Variants in RGS20 observed in about 807,000 individuals in gnomAD.
The protein encoded by RGS20 is regulator of G protein signaling 20.
In RGS20, 30 loss-of-function variants were observed where a neutral mutation model predicts 33.6. The ratio of observed to expected loss-of-function variants is 0.89; its 90% CI spans 0.67 to 1.21. The LOEUF is 1.21. Among genes scored for constraint, RGS20 ranks in the 50% most tolerant of loss-of-function variants. RGS20 has a pLI of 0.00. For missense variants in RGS20, 472 were observed against 502.4 expected, an observed-to-expected ratio of 0.94 and a Z score of 0.58; for synonymous variants, 208 against 197.9, an observed-to-expected ratio of 1.05 and a Z score of -0.43.
At position 53,924,642 on chromosome 8, in the gene RGS20, A is replaced by G. The variant is rs73589250; in HGVS notation, c.511-14934A>G. Among the ~76,000 whole-genome samples the G allele has an allele frequency of 7.9e-3, 1,201 of 152,232 alleles. 19 individuals are homozygous for G. Among genetic ancestry groups the G allele is most frequent in the African/African-American group, 0.027 (1,140 of 41,556 alleles). On this transcript the variant is annotated intron_variant, in intron 2 of 5. Transcript: ENST00000297313. ...CCCAGCTGCAAGTTCATTTTAAAGCAATTGTTTCATTCTTTTTTGTTGTTG... is the reference window on the plus strand; with the variant it reads ...CCCAGCTGCAAGTTCATTTTAAAGCGATTGTTTCATTCTTTTTTGTTGTTG...
At chr8:53,889,408 CTCTCTTTTTT>C (rs1812639821) in intron 2 of RGS20, among the ~76,000 whole-genome samples, 1 of 88,200 alleles carries the variant, frequency 1.1e-5, no homozygotes, top group African/African-American at 5.1e-5. Context: ...TTCTCTCTCT[CTCTCTTTTTT>C]TTTTTTTTTT....
At chr8:53,940,222 C>T (rs878880028) in intron 3 of RGS20, among the ~76,000 whole-genome samples, 1 of 152,106 alleles carries the variant, frequency 6.6e-6, no homozygotes, top group East Asian at 1.9e-4. Context: ...TATATGCTAA[C>T]TTACTGGGTA....
chr8:53,879,967 C>A (rs374721786), intron 2 of RGS20: 4 of 248,016 alleles, frequency 1.6e-5, no homozygotes, highest in African/African-American at 8.9e-5. Context: ...CTGCTCCCAG[C>A]GCTCGCTCTC....
intron 1 of RGS20, among the ~76,000 whole-genome samples, chr8:53,853,071 T>A (rs1404681983): frequency 6.6e-6 from 1 of 152,012 alleles, no homozygotes; most frequent in Non-Finnish European, 1.5e-5. Flanking sequence ...GCACTAAGAG[T>A]TTAGCAAGCT....
Position 53,958,317 on chromosome 8 carries a change from G to A in RGS20, c.1026G>A (p.Val342=), listed in dbSNP as rs780510575. 1 of 1,613,320 alleles carries A rather than the reference G, an allele frequency of 6.2e-7. No individual in the cohort carries two copies. The highest frequency in any genetic ancestry group is 1.1e-5 in the South Asian group (1 of 90,946). ...GAGAAGTGATCAACAGAAACATGGT[G>A]GAGCCATCCCAACACATATTCGATG... The change falls in exon 6 of 6, where the codon GTG becomes GTA. Residue 342 remains valine, a synonymous_variant. Coordinates refer to ENST00000297313, the MANE Select transcript of RGS20 (RefSeq NM_170587.4).
intron 1 of RGS20, among the ~76,000 whole-genome samples, chr8:53,872,892 T>C (rs542739481): frequency 5.3e-5 from 8 of 152,318 alleles, no homozygotes; most frequent in Non-Finnish European, 7.3e-5. Context: ...ATTTTAGGCA[T>C]ACAATTCAAT....
At chr8:53,919,592 C>CTTT (rs749181497) in intron 2 of RGS20, among the ~76,000 whole-genome samples, 3 of 136,352 alleles carry the variant, frequency 2.2e-5, no homozygotes, top group Non-Finnish European at 1.6e-5. Context: ...AACATTTTTT[C>CTTT]TTTTTTTTTT....
rs369669321 is a variant in RGS20, at chr8:53,939,633, A to G, written c.568A>G (p.Thr190Ala). The G allele has an allele frequency of 5.0e-6, 8 of 1,604,012 alleles. 1 individual carries two copies. Among genetic ancestry groups the G allele is most frequent in the African/African-American group, 2.7e-5 (2 of 74,880 alleles). The change falls in exon 3 of 6, where the codon ACA (threonine) becomes GCA (alanine). Residue 190 changes from threonine (T) to alanine (A), a missense_variant. Around this residue, in one of 3 missense-constraint regions of RGS20, gnomAD observed 319 missense variants for 283.4 expected, o/e 1.13. Transcript: ENST00000297313. The stretch of plus-strand genomic sequence containing the variant: ...GCGGCAGATGCCCGCCGCCCAGGAC[A>G]CACCAGGCGCCGCCCCAGGCCAGCC...
At chr8:53,888,419 G>GT (rs1437769570) in intron 2 of RGS20, among the ~76,000 whole-genome samples, 1 of 152,160 alleles carries the variant, frequency 6.6e-6, no homozygotes, top group Non-Finnish European at 1.5e-5. Context: ...TAAACTTTAT[G>GT]TAAGTGTACC....
At chr8:53,900,871 C>T (rs941420868) in intron 2 of RGS20, among the ~76,000 whole-genome samples, 4 of 152,092 alleles carry the variant, frequency 2.6e-5, no homozygotes, top group African/African-American at 9.7e-5. Context: ...AGAAGGTCAG[C>T]ACAGCACTCA....
chr8:53,869,491 C>G, intron 1 of RGS20, among the ~76,000 whole-genome samples: 1 of 152,110 alleles, frequency 6.6e-6, no homozygotes, highest in East Asian at 1.9e-4. Flanking sequence ...GCCTGGCCAA[C>G]ATGGTGAAAC....
In RGS20 at chr8:53,946,692, G is replaced by A. The variant is rs143598129; in HGVS notation, c.687G>A (p.Gln229=). The stretch of plus-strand genomic sequence containing the variant: ...TCACTGTTAGAAACCAGGAAGATCA[G>A]AGGCCCACAATAGCTTCCCACGAAC... The change falls in exon 4 of 6, where the codon CAG becomes CAA. Residue 229 remains glutamine, a synonymous_variant. Coordinates refer to ENST00000297313, the MANE Select transcript of RGS20 (RefSeq NM_170587.4). The A allele has an allele frequency of 5.6e-6, 9 of 1,612,962 alleles. No homozygotes were observed. In the African/African-American group the frequency reaches 1.1e-4, roughly 19 times the overall value.
intron 2 of RGS20, among the ~76,000 whole-genome samples, chr8:53,909,867 T>C (rs1483579651): frequency 1.3e-5 from 2 of 152,196 alleles, no homozygotes; most frequent in Admixed American, 6.5e-5. Flanking sequence ...GAAACTCTAA[T>C]GAGGAAGGAA....
intron 2 of RGS20, among the ~76,000 whole-genome samples, chr8:53,921,734 A>G (rs1376386709): frequency 6.6e-6 from 1 of 151,688 alleles, no homozygotes; most frequent in African/African-American, 2.4e-5. Context: ...TTGAGTCTTC[A>G]TTTTTCTTCA....
rs561296447 is a variant in RGS20, at chr8:53,901,746, G to A, written c.510+22144G>A. ...CACCTGTAGTCCGAGCTACTTGGGA[G>A]GCTGAGGCAGGAGAATTGCTCCAAC... On this transcript the variant is annotated intron_variant, in intron 2 of 5. Coordinates refer to ENST00000297313, the MANE Select transcript of RGS20 (RefSeq NM_170587.4). Among the ~76,000 whole-genome samples, 6 of 152,310 alleles carry A rather than the reference G, an allele frequency of 3.9e-5. No individual in the cohort carries two copies. In the East Asian group the frequency reaches 1.2e-3, roughly 29 times the overall value.
At chr8:53,883,677 G>T (rs998332764) in intron 2 of RGS20, among the ~76,000 whole-genome samples, 1 of 152,040 alleles carries the variant, frequency 6.6e-6, no homozygotes, top group Non-Finnish European at 1.5e-5. Context: ...GAGCACGGTG[G>T]CTCACTCCTG....
intron 1 of RGS20, among the ~76,000 whole-genome samples, chr8:53,873,686 T>A (rs982272696): frequency 2.6e-5 from 4 of 152,166 alleles, no homozygotes; most frequent in African/African-American, 9.7e-5. Flanking sequence ...GAGGGAGCAA[T>A]AAGTGAAAGA....
At chr8:53,916,852 G>A (rs1321285895) in intron 2 of RGS20, among the ~76,000 whole-genome samples, 1 of 152,112 alleles carries the variant, frequency 6.6e-6, no homozygotes, top group Non-Finnish European at 1.5e-5. Context: ...CTGCTTCCTG[G>A]TTGCCAGAAA....
intron 2 of RGS20, chr8:53,913,944 C>T (rs1813415350): frequency 6.6e-6 from 1 of 152,160 alleles, no homozygotes; most frequent in Non-Finnish European, 1.5e-5. Flanking sequence ...ACTTACTGAG[C>T]TCTGGCACCA....
Sources: allele counts gnomAD v4.1 joint callset (sites outside exome capture counted in the v4.1 genomes callset), GRCh38; gene constraint gnomAD v4.1.1; regional missense constraint gnomAD v4.1.1; transcripts MANE v1.5; gene names NCBI Gene and HGNC (gene_info 2026-07-23, HGNC 2026-07-21).